Variants in MPP7 observed in about 807,000 individuals in gnomAD.
MPP7 encodes MAGUK p55 scaffold protein 7.
Under a neutral mutation model 76.5 loss-of-function variants are expected in MPP7, and 60 were observed. The observed-to-expected ratio is 0.78, with a 90% confidence interval of 0.64 to 0.97. The LOEUF is 0.97. Ranked by LOEUF, MPP7 falls within the 50% of genes least tolerant of loss-of-function variation. The pLI, the probability that MPP7 is intolerant of heterozygous loss-of-function variation, is 0.00. For synonymous variants in MPP7, 237 were observed against 244.5 expected, an observed-to-expected ratio of 0.97 and a Z score of 0.29; for missense variants, 641 against 694.0, an observed-to-expected ratio of 0.92 and a Z score of 0.86.
chr10:28,066,583 A>T (rs1292409956), intron 13 of MPP7, among the ~76,000 whole-genome samples: 2 of 152,218 alleles, frequency 1.3e-5, no homozygotes, highest in Non-Finnish European at 2.9e-5. Flanking sequence ...TTATACAATA[A>T]CTGATATATA....
intron 2 of MPP7, among the ~76,000 whole-genome samples, chr10:28,320,357 G>A (rs1203117440): frequency 6.6e-6 from 1 of 152,102 alleles, no homozygotes. Context: ...TAGATTGTCA[G>A]GCTGGGAAAT....
At chr10:28,158,595 A>C (rs1416770289) in intron 3 of MPP7, among the ~76,000 whole-genome samples, 1 of 152,180 alleles carries the variant, frequency 6.6e-6, no homozygotes, top group African/African-American at 2.4e-5. Context: ...AATCAAGGTG[A>C]CAAGGGAAAT....
chr10:28,242,397 A>C (rs1839300201), intron 1 of MPP7, among the ~76,000 whole-genome samples: 1 of 152,214 alleles, frequency 6.6e-6, no homozygotes, highest in Non-Finnish European at 1.5e-5. Context: ...GCTCAATCTG[A>C]AAGACTCATT....
intron 1 of MPP7, among the ~76,000 whole-genome samples, chr10:28,294,174 T>C (rs1363834032): frequency 6.6e-6 from 1 of 152,150 alleles, no homozygotes; most frequent in Non-Finnish European, 1.5e-5. Flanking sequence ...CGGGTGCCTG[T>C]AGTCCAGTTT....
intron 12 of MPP7, among the ~76,000 whole-genome samples, chr10:28,087,652 T>A (rs1853083796): frequency 6.6e-6 from 1 of 152,178 alleles, no homozygotes; most frequent in Non-Finnish European, 1.5e-5. Context: ...TGGCTTAGCC[T>A]CCCAAAGCGC....
At chr10:28,284,664 A>G (rs1840753800) in intron 1 of MPP7, among the ~76,000 whole-genome samples, 1 of 152,170 alleles carries the variant, frequency 6.6e-6, no homozygotes, top group South Asian at 2.1e-4. Context: ...AGTGGGGGGA[A>G]TATTGGAGTA....
intron 1 of MPP7, among the ~76,000 whole-genome samples, chr10:28,275,987 A>C (rs1169496750): frequency 4.6e-5 from 7 of 151,428 alleles, no homozygotes; most frequent in Non-Finnish European, 1.0e-4. Context: ...TGCAATAAAG[A>C]TGAATACTCA....
At chr10:28,287,372 G>A (rs2133116342) in intron 1 of MPP7, among the ~76,000 whole-genome samples, 1 of 152,298 alleles carries the variant, frequency 6.6e-6, no homozygotes, top group South Asian at 2.1e-4. Flanking sequence ...AAGACACAAG[G>A]AAACTTTGGA....
chr10:28,165,849 A>G (rs1397180560), intron 3 of MPP7, among the ~76,000 whole-genome samples: 1 of 151,796 alleles, frequency 6.6e-6, no homozygotes, highest in African/African-American at 2.4e-5. Flanking sequence ...ACATGGTGAA[A>G]CCCCGTCTCT....
chr10:28,217,591 C>T (rs1175065095), intron 2 of MPP7, among the ~76,000 whole-genome samples: 1 of 147,344 alleles, frequency 6.8e-6, no homozygotes, highest in South Asian at 2.2e-4. Context: ...GAACTTTTAA[C>T]AAAAAAAGTC....
At chr10:28,057,605 C>T (rs865854825) in intron 15 of MPP7, 2,040 of 122,516 alleles carry the variant, frequency 0.017, 94 homozygotes, top group African/African-American at 0.12. Flanking sequence ...AATTAAACCT[C>T]TTTTTTTTTT....
intron 3 of MPP7, among the ~76,000 whole-genome samples, chr10:28,187,888 T>G (rs1837288102): frequency 6.6e-6 from 1 of 152,206 alleles, no homozygotes; most frequent in Non-Finnish European, 1.5e-5. Context: ...AATAACTACT[T>G]TCTATGCAAA....
chr10:28,075,234 C>A (rs1283140477), intron 12 of MPP7, among the ~76,000 whole-genome samples: 2 of 152,118 alleles, frequency 1.3e-5, no homozygotes, highest in Non-Finnish European at 2.9e-5. Context: ...ACCTCCGACA[C>A]TGGGGATTAC....
intron 3 of MPP7, among the ~76,000 whole-genome samples, chr10:28,195,568 T>G (rs1837554012): frequency 6.6e-6 from 1 of 152,200 alleles, no homozygotes; most frequent in African/African-American, 2.4e-5. Context: ...AGGAATTAAG[T>G]ACTGATACAT....
At chr10:28,282,781 G>A (rs557344145) in intron 1 of MPP7, among the ~76,000 whole-genome samples, 4 of 151,816 alleles carry the variant, frequency 2.6e-5, no homozygotes, top group Admixed American at 6.6e-5. Context: ...TCAACCCCTC[G>A]CTATTGCCTG....
intron 2 of MPP7, among the ~76,000 whole-genome samples, chr10:28,231,569 T>C (rs958468702): frequency 6.8e-5 from 10 of 147,682 alleles, no homozygotes; most frequent in African/African-American, 2.5e-4. Context: ...AGCATCAATG[T>C]AGAAACTACA....
intron 2 of MPP7, among the ~76,000 whole-genome samples, chr10:28,326,807 C>T (rs901789416): frequency 2.6e-5 from 4 of 152,196 alleles, no homozygotes; most frequent in Non-Finnish European, 4.4e-5. Context: ...ACATGCCAGT[C>T]GGTTCACCAG....
rs1178979904 is a variant in MPP7 at position 28,051,297 on chromosome 10, GAGA to G, written c.*2765_*2767del. 1 of 152,116 alleles carries G rather than the reference GAGA, an allele frequency of 6.6e-6. No individual in the cohort carries two copies. Among genetic ancestry groups the G allele is most frequent in the Non-Finnish European group, 1.5e-5 (1 of 68,006 alleles). The allele number at this position is 152,116 out of a possible 1,614,324, so 9.4% of individuals were successfully genotyped here. A position where few individuals can be genotyped will look rare whatever the true frequency, so the allele number is the denominator to read the frequency against. On this transcript the variant is annotated 3_prime_UTR_variant, in exon 17 of 17. Transcript: ENST00000683449. ...AGAAAGAACATAGTTTTGTAAGTCTGAGAAGGTTATGTTTGTCAGTTTCAAATT... is the reference window on the plus strand; with the variant it reads ...AGAAAGAACATAGTTTTGTAAGTCTGAGGTTATGTTTGTCAGTTTCAAATT...
chr10:28,321,029 TC>T (rs1479632429), intron 2 of MPP7, among the ~76,000 whole-genome samples: 1 of 152,024 alleles, frequency 6.6e-6, no homozygotes, highest in African/African-American at 2.4e-5. Context: ...AGAAGCTTCC[TC>T]CCCACCGGGG....
Sources: gnomAD v4.1 joint callset for allele counts (sites outside exome capture counted in the v4.1 genomes callset) on GRCh38, gnomAD v4.1.1 for gene constraint, MANE v1.5 for transcripts, NCBI Gene and HGNC (gene_info 2026-07-23, HGNC 2026-07-21) for gene names.